PCDHGA1: variants seen among roughly 807,000 people sequenced by gnomAD.
PCDHGA1 encodes protocadherin gamma-A1.
A neutral mutation model predicts 58.0 loss-of-function variants in PCDHGA1; 32 were observed. The ratio of observed to expected loss-of-function variants is 0.55; its 90% CI spans 0.42 to 0.74. The LOEUF (loss-of-function observed/expected upper bound fraction) is 0.74. Ranked by LOEUF, PCDHGA1 falls within the 30% of genes least tolerant of loss-of-function variation. The pLI is 0.00. For missense variants in PCDHGA1, 1,205 were observed against 1,182.3 expected, an observed-to-expected ratio of 1.02 and a Z score of -0.28; for synonymous variants, 498 against 501.1, an observed-to-expected ratio of 0.99 and a Z score of 0.08.
intron 1 of PCDHGA1, among the ~76,000 whole-genome samples, chr5:141,435,592 C>T (rs573084790): frequency 1.3e-5 from 2 of 152,060 alleles, no homozygotes; most frequent in African/African-American, 2.4e-5. Flanking sequence ...GCAGTAATAT[C>T]GCCTGCTTTT....
chr5:141,429,204 A>ACACACACG, intron 1 of PCDHGA1: 1 of 150,162 alleles, frequency 6.7e-6, no homozygotes, highest in Non-Finnish European at 1.5e-5. Context: ...ACACACACAC[A>ACACACACG]CGTGTGAAAA....
Position 141,422,832 on chromosome 5 carries a change from A to G in PCDHGA1, c.2422-71975A>G, listed in dbSNP as rs12520854. On this transcript the variant is annotated intron_variant, in intron 1 of 3. Coordinates refer to ENST00000517417, the MANE Select transcript of PCDHGA1 (RefSeq NM_018912.3). Reference sequence around the variant, plus strand: ...GAGACTTAGAACTGAGAGTGATAGCACGTGACAGCGGGGACCCGCCCCTCA... The same window carrying G: ...GAGACTTAGAACTGAGAGTGATAGCGCGTGACAGCGGGGACCCGCCCCTCA... The G allele has an allele frequency of 6.8e-3, 10,902 of 1,614,192 alleles. 60 individuals are homozygous for G. The highest frequency in any genetic ancestry group is 7.9e-3 in the Non-Finnish European group (9,294 of 1,180,036).
intron 1 of PCDHGA1, chr5:141,410,388 C>G (rs1312753736): frequency 6.2e-7 from 1 of 1,613,962 alleles, no homozygotes; most frequent in African/African-American, 1.3e-5. Flanking sequence ...TGCTTCCATC[C>G]TGGTCTCTGT....
intron 1 of PCDHGA1, chr5:141,340,714 C>T (rs1236734969): frequency 2.5e-6 from 4 of 1,614,120 alleles, no homozygotes; most frequent in Non-Finnish European, 3.4e-6. Flanking sequence ...CGCCCCGCTC[C>T]GCAGAGCCCG....
At chr5:141,415,772 T>TTTTTTTTG in intron 1 of PCDHGA1, 1 of 1,332,986 alleles carries the variant, frequency 7.5e-7, no homozygotes. Context: ...TTTTTTTTTT[T>TTTTTTTTG]ACTTTCTGGT....
chr5:141,409,697 C>A (rs372548874), intron 1 of PCDHGA1: 1 of 1,613,178 alleles, frequency 6.2e-7, no homozygotes, highest in African/African-American at 1.3e-5. Context: ...CCTAGAGCCC[C>A]TGGCGGTGTC....
Position 141,374,036 on chromosome 5 carries a change from T to A in PCDHGA1, c.2421+40931T>A, listed in dbSNP as rs1197277740. On this transcript the variant is annotated intron_variant, in intron 1 of 3. Coordinates refer to ENST00000517417, the MANE Select transcript of PCDHGA1 (RefSeq NM_018912.3). The stretch of plus-strand genomic sequence containing the variant: ...CTGAGAAGAGCAAAAGTGATGCAGA[T>A]CTGTTCTTCCTCTTCTTAATCCCAG... 3.5e-6 allele frequency: 5 copies of A among 1,445,796 alleles called. No individual in the cohort carries two copies. In the Admixed American group the frequency reaches 1.1e-4, roughly 32 times the overall value. 89.6% of individuals were successfully genotyped at this position (1,445,796 alleles called of 1,614,324 possible). A position where few individuals can be genotyped will look rare whatever the true frequency, so the allele number is the denominator to read the frequency against.
chr5:141,502,535 G>A (rs910160644), intron 2 of PCDHGA1, among the ~76,000 whole-genome samples: 14 of 152,172 alleles, frequency 9.2e-5, no homozygotes, highest in South Asian at 2.1e-4. Flanking sequence ...GAGTTTGTTC[G>A]TGTGGTAAAA....
chr5:141,359,661 A>C (rs545644019), intron 1 of PCDHGA1, among the ~76,000 whole-genome samples: 22 of 152,200 alleles, frequency 1.4e-4, no homozygotes, highest in African/African-American at 4.6e-4. Flanking sequence ...GAATATTTAT[A>C]AAAATCCGTT....
At chr5:141,356,591 A>G in intron 1 of PCDHGA1, 2 of 1,614,128 alleles carry the variant, frequency 1.2e-6, no homozygotes, top group Non-Finnish European at 1.7e-6. Flanking sequence ...ATTCCTGAAA[A>G]CAACCCCAGA....
chr5:141,425,337 G>A (rs1327677274), intron 1 of PCDHGA1, among the ~76,000 whole-genome samples: 1 of 152,186 alleles, frequency 6.6e-6, no homozygotes. Flanking sequence ...AAAAAGGAAG[G>A]GTTGGCTTTG....
chr5:141,388,637 T>G (rs993746447), intron 1 of PCDHGA1: 1 of 1,613,762 alleles, frequency 6.2e-7, no homozygotes, highest in Non-Finnish European at 8.5e-7. Context: ...GGGTGAGCCT[T>G]TCAGAAAACG....
At chr5:141,488,031 A>G (rs1475176300) in intron 1 of PCDHGA1, among the ~76,000 whole-genome samples, 1 of 152,122 alleles carries the variant, frequency 6.6e-6, no homozygotes, top group Non-Finnish European at 1.5e-5. Context: ...CTAGGTTACC[A>G]TTTCCCAAGG....
rs759191157 is a variant in PCDHGA1, at chr5:141,485,768, C to T, written c.2422-9039C>T. Reference sequence around the variant, plus strand: ...GGTCCCAGAGCTGCTCCTGGAGAAGCCTTTGGATCGAGAGAAGCAATCGGA... The same window carrying T: ...GGTCCCAGAGCTGCTCCTGGAGAAGTCTTTGGATCGAGAGAAGCAATCGGA... On this transcript the variant is annotated intron_variant, in intron 1 of 3. Transcript: ENST00000517417. This position sits in a 1 kb window ranked among gnomAD's most constrained non-coding sequence, Gnocchi z 5.7. The T allele has an allele frequency of 5.6e-6, 9 of 1,614,074 alleles. No individual in the cohort carries two copies. The highest frequency in any genetic ancestry group is 1.7e-5 in the Admixed American group (1 of 60,000).
intron 1 of PCDHGA1, chr5:141,374,351 A>T (rs1770409199): frequency 6.2e-7 from 1 of 1,614,022 alleles, no homozygotes; most frequent in South Asian, 1.1e-5. Flanking sequence ...CGCGGGTAGG[A>T]TAGACCGCGA....
chr5:141,460,981 GTGTATATATA>G (rs1332002052), intron 1 of PCDHGA1, among the ~76,000 whole-genome samples: 6 of 121,884 alleles, frequency 4.9e-5, no homozygotes, highest in Non-Finnish European at 1.0e-4. Flanking sequence ...GTGTGTGTGT[GTGTATATATA>G]TATATGTGTA....
chr5:141,469,704 C>T (rs1038504640), intron 1 of PCDHGA1, among the ~76,000 whole-genome samples: 9 of 152,340 alleles, frequency 5.9e-5, no homozygotes, highest in African/African-American at 1.9e-4. Flanking sequence ...ACCTAGTAAT[C>T]ACACTATTAG....
At position 141,333,018 on chromosome 5, in the gene PCDHGA1, A is replaced by G. The variant is rs116015775; in HGVS notation, c.2334A>G (p.Thr778=). The change falls in exon 1 of 4, where the codon ACA becomes ACG. Residue 778 remains threonine, a synonymous_variant. Transcript: ENST00000517417. ...TCCCCCAGCCCAACTATGCGGACAC[A>G]CTCATCAGCCAGGAGAGCTGTGAGA... ...LIFPQPNYAD[T]LISQESCEKK... is the part of the protein sequence containing the mutation. The G allele has an allele frequency of 9.4e-4, 1,522 of 1,613,454 alleles. 9 individuals are homozygous for G. In the African/African-American group the frequency reaches 0.016, roughly 17 times the overall value.
intron 1 of PCDHGA1, chr5:141,365,450 G>A: frequency 6.2e-7 from 1 of 1,614,010 alleles, no homozygotes; most frequent in Non-Finnish European, 8.5e-7. Context: ...CGTACATGAT[G>A]GTGATTCTGG....
Sources: allele counts gnomAD v4.1 joint callset (sites outside exome capture counted in the v4.1 genomes callset), GRCh38; gene constraint gnomAD v4.1.1; non-coding constraint Gnocchi (gnomAD v3.1); transcripts MANE v1.5; gene names NCBI Gene and HGNC (gene_info 2026-07-23, HGNC 2026-07-21).